The following LRMDA variants were observed in gnomAD, a reference collection of about 807,000 sequenced individuals.
The protein encoded by LRMDA is leucine rich melanocyte differentiation associated.
In LRMDA, 18 loss-of-function variants were observed where a neutral mutation model predicts 29.8. The observed-to-expected ratio is 0.60, with a 90% CI of 0.42 to 0.90. The LOEUF is 0.90. Among genes scored for constraint, LRMDA ranks in the 40% least tolerant of loss-of-function variants. The pLI is 0.00. For missense variants in LRMDA, 273 were observed against 273.9 expected, an observed-to-expected ratio of 1.00 and a Z score of 0.02; for synonymous variants, 125 against 109.4, an observed-to-expected ratio of 1.14 and a Z score of -0.89.
intron 5 of LRMDA, among the ~76,000 whole-genome samples, chr10:76,252,744 A>G (rs1852507863): frequency 2.0e-5 from 3 of 152,170 alleles, no homozygotes; most frequent in African/African-American, 2.4e-5. Context: ...ACTGCTAGAT[A>G]TTGGAGGATC....
At chr10:75,941,671 A>C (rs1846394353) in intron 2 of LRMDA, among the ~76,000 whole-genome samples, 1 of 152,108 alleles carries the variant, frequency 6.6e-6, no homozygotes, top group African/African-American at 2.4e-5. Flanking sequence ...AGCCACCTGG[A>C]ATGTAGAGTA....
At chr10:76,485,411 A>G (rs1842771725) in intron 6 of LRMDA, among the ~76,000 whole-genome samples, 3 of 151,964 alleles carry the variant, frequency 2.0e-5, no homozygotes. Flanking sequence ...TGGGTACCAC[A>G]TAACAGAGTA....
intron 2 of LRMDA, among the ~76,000 whole-genome samples, chr10:76,014,963 C>T (rs1235918761): frequency 6.6e-6 from 1 of 152,316 alleles, no homozygotes; most frequent in Non-Finnish European, 1.5e-5. Flanking sequence ...GACCTCCTGA[C>T]GTTTAGCTTA....
At chr10:75,535,167 T>C (rs1441931165) in intron 2 of LRMDA, among the ~76,000 whole-genome samples, 1 of 152,174 alleles carries the variant, frequency 6.6e-6, no homozygotes, top group Non-Finnish European at 1.5e-5. Flanking sequence ...TTTTGTTGCT[T>C]TCTTTAGCCT....
chr10:75,782,839 G>A lies in LRMDA; in HGVS notation c.132-253169G>A, dbSNP rs548291137. ...CTTTAGCCAGCGCCGGCGTGCATGT[G>A]TTTTAGTTTTATTCTTTTTCCCTTG... is the stretch of plus-strand genomic sequence containing the variant. On this transcript the variant is annotated intron_variant, in intron 2 of 6. Transcript: ENST00000611255. 4.6e-5 allele frequency: 70 copies of A among 1,508,266 alleles called. No homozygotes were observed. The South Asian group carries it at 7.8e-4, about 17-fold the overall frequency. 93.4% of individuals were successfully genotyped at this position (1,508,266 alleles called of 1,614,324 possible). A position where few individuals can be genotyped will look rare whatever the true frequency, so the allele number is the denominator to read the frequency against.
At chr10:75,930,454 A>G (rs1049512326) in intron 2 of LRMDA, among the ~76,000 whole-genome samples, 3 of 152,186 alleles carry the variant, frequency 2.0e-5, no homozygotes, top group African/African-American at 7.2e-5. Context: ...TAAATAAAAT[A>G]TATGTAATGT....
intron 2 of LRMDA, among the ~76,000 whole-genome samples, chr10:75,656,845 A>G (rs574632043): frequency 6.6e-6 from 1 of 152,362 alleles, no homozygotes; most frequent in South Asian, 2.1e-4. Context: ...ACATGCAACT[A>G]TAAAACAAAT....
At chr10:76,256,578 G>A (rs1439060680) in intron 5 of LRMDA, among the ~76,000 whole-genome samples, 1 of 152,132 alleles carries the variant, frequency 6.6e-6, no homozygotes. Context: ...AAAATTTTGT[G>A]TATATTCTGT....
Position 75,962,162 on chromosome 10 carries a change from A to G in LRMDA, c.132-73846A>G, listed in dbSNP as rs551733937. 1.5e-4 allele frequency among the ~76,000 whole-genome samples: 23 copies of G among 152,284 alleles called. 2 individuals are homozygous for G. Among genetic ancestry groups the G allele is most frequent in the African/African-American group, 5.1e-4 (21 of 41,566 alleles). The stretch of plus-strand genomic sequence containing the variant: ...CCAGGGGTTAGGACTTCAATACATG[A>G]ATTTCAGGGAGACATGATTCCACTC... On this transcript the variant is annotated intron_variant, in intron 2 of 6. Coordinates refer to ENST00000611255, the MANE Select transcript of LRMDA (RefSeq NM_001305581.2).
chr10:75,566,355 G>C (rs760231759), intron 2 of LRMDA, among the ~76,000 whole-genome samples: 4 of 152,110 alleles, frequency 2.6e-5, no homozygotes, highest in Non-Finnish European at 5.9e-5. Context: ...TGTGATCTGT[G>C]GACCAGCAGC....
At chr10:76,434,324 ACT>A (rs923173796) in intron 6 of LRMDA, among the ~76,000 whole-genome samples, 2 of 140,142 alleles carry the variant, frequency 1.4e-5, no homozygotes, top group African/African-American at 5.3e-5. Context: ...TTTCTTATTT[ACT>A]CTCTCTCTCT....
At chr10:76,068,176 A>G (rs10509362) in intron 5 of LRMDA, among the ~76,000 whole-genome samples, 66,493 of 152,126 alleles carry the variant, frequency 0.44, 15,097 homozygotes, top group Non-Finnish European at 0.46. Flanking sequence ...TTTCCAAACC[A>G]CCTGCTACTA....
chr10:76,345,227 C>T (rs988698347), intron 6 of LRMDA, among the ~76,000 whole-genome samples: 5 of 147,740 alleles, frequency 3.4e-5, no homozygotes, highest in African/African-American at 4.9e-5. Flanking sequence ...CTACCACGCC[C>T]GGCTAATTTT....
At chr10:76,273,161 C>T (rs1040975764) in intron 5 of LRMDA, among the ~76,000 whole-genome samples, 1 of 134,394 alleles carries the variant, frequency 7.4e-6, no homozygotes, top group African/African-American at 3.8e-5. Flanking sequence ...TATATGATAT[C>T]CCTGTTCCCA....
intron 3 of LRMDA, among the ~76,000 whole-genome samples, chr10:76,044,757 T>C (rs1386239889): frequency 6.6e-6 from 1 of 152,160 alleles, no homozygotes; most frequent in East Asian, 1.9e-4. Flanking sequence ...TCTCTGGATG[T>C]TATTTGTGAA....
At chr10:75,828,446 A>C (rs1243192006) in intron 2 of LRMDA, among the ~76,000 whole-genome samples, 1 of 152,184 alleles carries the variant, frequency 6.6e-6, no homozygotes, top group Non-Finnish European at 1.5e-5. Flanking sequence ...TTCATTCTGA[A>C]TTATTCCTTA....
intron 2 of LRMDA, among the ~76,000 whole-genome samples, chr10:75,448,408 C>A (rs1302981560): frequency 6.6e-6 from 1 of 152,214 alleles, no homozygotes; most frequent in African/African-American, 2.4e-5. Flanking sequence ...CATTATCGTG[C>A]ATGTGAGTGG....
intron 5 of LRMDA, among the ~76,000 whole-genome samples, chr10:76,267,949 T>C (rs925187180): frequency 6.6e-6 from 1 of 152,234 alleles, no homozygotes; most frequent in Non-Finnish European, 1.5e-5. Context: ...TAGGTTGACG[T>C]AATATTACAT....
intron 5 of LRMDA, among the ~76,000 whole-genome samples, chr10:76,092,044 G>T (rs1447031385): frequency 6.6e-6 from 1 of 152,058 alleles, no homozygotes; most frequent in Non-Finnish European, 1.5e-5. Context: ...AGTAACCCTA[G>T]GGCATATTTC....
Sources: gnomAD v4.1 joint callset for allele counts (sites outside exome capture counted in the v4.1 genomes callset) on GRCh38, gnomAD v4.1.1 for gene constraint, MANE v1.5 for transcripts, NCBI Gene and HGNC (gene_info 2026-07-23, HGNC 2026-07-21) for gene names.